The following GARIN2 variants were observed in gnomAD, a reference collection of about 807,000 sequenced individuals.
GARIN2 encodes golgi associated RAB2 interactor family member 2.
the GARIN2 span, chr14:67,199,904 G>A: frequency 3.4e-6 from 5 of 1,479,198 alleles, no homozygotes; most frequent in African/African-American, 7.1e-5. Context: ...GGAACCCCAG[G>A]GGCAGGACAT....
At chr14:67,204,872 T>C in the GARIN2 span, 1 of 1,613,934 alleles carries the variant, frequency 6.2e-7, no homozygotes, top group Non-Finnish European at 8.5e-7. Flanking sequence ...AGGGACAGCA[T>C]AGATTTCCCA....
At chr14:67,192,988 C>G in the GARIN2 span, among the ~76,000 whole-genome samples, 2 of 144,520 alleles carry the variant, frequency 1.4e-5, no homozygotes, top group Non-Finnish European at 3.0e-5. Flanking sequence ...ATAGATCTCT[C>G]TATATATCTC....
chr14:67,206,824 A>G, the GARIN2 span, among the ~76,000 whole-genome samples: 1 of 151,670 alleles, frequency 6.6e-6, no homozygotes, highest in Non-Finnish European at 1.5e-5. Flanking sequence ...TCCACCTCTC[A>G]GGTTCAAGCG....
At chr14:67,224,625 A>ATTTT in the GARIN2 span, 1 of 270,614 alleles carries the variant, frequency 3.7e-6, no homozygotes, top group Non-Finnish European at 7.2e-6. Context: ...TAACTTTTAA[A>ATTTT]TTTTTTTTTT....
the GARIN2 span, chr14:67,203,332 G>T: frequency 6.7e-7 from 1 of 1,493,628 alleles, no homozygotes; most frequent in Non-Finnish European, 9.1e-7. Context: ...TCTCTCAGAA[G>T]ATGTGCATTA....
At chr14:67,192,414 A>G in the GARIN2 span, among the ~76,000 whole-genome samples, 10 of 151,576 alleles carry the variant, frequency 6.6e-5, no homozygotes, top group South Asian at 1.9e-3. Context: ...AACAATCAAC[A>G]TGTATTTTTG....
chr14:67,193,858 T>A, the GARIN2 span, among the ~76,000 whole-genome samples: 1 of 142,650 alleles, frequency 7.0e-6, no homozygotes, highest in African/African-American at 2.6e-5. Flanking sequence ...GGTGAGAGGA[T>A]CACTTGGGCT....
chr14:67,225,144 T>C, the GARIN2 span: 1 of 1,585,222 alleles, frequency 6.3e-7, no homozygotes. Flanking sequence ...CAAATCTCCT[T>C]CTAATTTCCT....
the GARIN2 span, chr14:67,205,013 CT>C: frequency 3.2e-6 from 5 of 1,556,488 alleles, no homozygotes; most frequent in South Asian, 5.9e-5. Context: ...ACAGACAGCT[CT>C]GATATTACAA....
the GARIN2 span, among the ~76,000 whole-genome samples, chr14:67,192,320 A>G: frequency 6.6e-6 from 1 of 152,232 alleles, no homozygotes; most frequent in Non-Finnish European, 1.5e-5. Flanking sequence ...ATGATAGCCC[A>G]TAACAACCCT....
chr14:67,189,654 G>A, the GARIN2 span: 1 of 151,992 alleles, frequency 6.6e-6, no homozygotes, highest in South Asian at 2.1e-4. Flanking sequence ...GGTAATTCGA[G>A]GGCAGAATGT....
chr14:67,218,046 T>C, the GARIN2 span, among the ~76,000 whole-genome samples: 1 of 152,034 alleles, frequency 6.6e-6, no homozygotes, highest in Admixed American at 6.5e-5. Flanking sequence ...CTTTAGTGTT[T>C]GCAAGTTTCT....
At chr14:67,218,861 C>T in the GARIN2 span, among the ~76,000 whole-genome samples, 1 of 151,962 alleles carries the variant, frequency 6.6e-6, no homozygotes, top group African/African-American at 2.4e-5. Context: ...CGTACTCTCC[C>T]TCTGGCTAGA....
chr14:67,225,052 CT>C, the GARIN2 span: 1 of 1,324,536 alleles, frequency 7.5e-7, no homozygotes, highest in South Asian at 1.5e-5. Context: ...GGCTTTTTTT[CT>C]TTCTCACTTC....
the GARIN2 span, among the ~76,000 whole-genome samples, chr14:67,212,872 TC>T: frequency 6.6e-6 from 1 of 150,472 alleles, no homozygotes; most frequent in African/African-American, 2.5e-5. Flanking sequence ...TTTTTCACAA[TC>T]CCAGAGCCTC....
the GARIN2 span, among the ~76,000 whole-genome samples, chr14:67,225,419 T>C: frequency 6.6e-6 from 1 of 152,168 alleles, no homozygotes; most frequent in Non-Finnish European, 1.5e-5. Flanking sequence ...TTTGTTGTGG[T>C]TTCTGCTCTA....
At chr14:67,205,934 G>A in the GARIN2 span, among the ~76,000 whole-genome samples, 3 of 152,012 alleles carry the variant, frequency 2.0e-5, no homozygotes, top group East Asian at 5.8e-4. Context: ...CTGTAATCCC[G>A]GCACTTTGGG....
the GARIN2 span, chr14:67,200,043 C>A: frequency 1.1e-6 from 1 of 926,314 alleles, no homozygotes; most frequent in Non-Finnish European, 1.6e-6. Context: ...GACACCCAGG[C>A]TCTGGGGGAC....
At chr14:67,194,709 G>T in the GARIN2 span, among the ~76,000 whole-genome samples, 1,041 of 152,210 alleles carry the variant, frequency 6.8e-3, 19 homozygotes, top group African/African-American at 0.024. Flanking sequence ...CACCTTGTTG[G>T]TCAGGCTGGT....
Sources: gnomAD v4.1 joint callset for allele counts (sites outside exome capture counted in the v4.1 genomes callset) on GRCh38, gnomAD v4.1.1 for gene constraint, MANE v1.5 for transcripts, NCBI Gene and HGNC (gene_info 2026-07-23, HGNC 2026-07-21) for gene names.